Variants in RPAIN observed in about 807,000 individuals in gnomAD.
RPAIN encodes RPA-interacting protein.
RPAIN carries 29 observed loss-of-function variants against 30.5 expected under a neutral mutation model. That is an observed-to-expected ratio of 0.95 (90% CI 0.71 to 1.30). RPAIN has a LOEUF of 1.30. RPAIN is among the 50% of genes most tolerant of loss of function. RPAIN has a pLI of 0.00. For missense variants in RPAIN, 247 were observed against 264.7 expected (o/e 0.93, Z 0.46); for synonymous variants, 101 against 93.5 (o/e 1.08, Z -0.46).
intron 6 of RPAIN, chr17:5,431,028 G>A (rs144559214): frequency 1.6e-5 from 3 of 192,218 alleles, no homozygotes; most frequent in East Asian, 1.7e-4. Context: ...TCACCTAACC[G>A]TCAGTGCCCT....
chr17:5,426,422 T>C, intron 5 of RPAIN, 123 bp downstream of exon 5: 1 of 875,694 alleles, frequency 1.1e-6, no homozygotes, highest in Non-Finnish European at 1.9e-6. Context: ...TGTTCAGTGG[T>C]GTCACATTGG....
At chr17:5,426,489 C>G (rs1026088361) in intron 5 of RPAIN, 190 bp downstream of exon 5, 3 of 607,988 alleles carry the variant, frequency 4.9e-6, no homozygotes, top group Non-Finnish European at 8.9e-6. Flanking sequence ...GCAAACAGTA[C>G]ACATCAGAGC....
intron 6 of RPAIN, chr17:5,429,859 A>AT: frequency 1.2e-6 from 1 of 838,864 alleles, no homozygotes; most frequent in Non-Finnish European, 1.4e-6. Flanking sequence ...ATTCAGCCTG[A>AT]TTCCTCACAA....
At chr17:5,426,126 C>T (rs2151665648) in intron 4 of RPAIN, 44 bp downstream of exon 4, 5 of 1,558,736 alleles carry the variant, frequency 3.2e-6, no homozygotes, top group Non-Finnish European at 3.5e-6. Flanking sequence ...GTTCCCATTC[C>T]CCACTCCAAG....
At position 5,428,074 on chromosome 17, in the gene RPAIN, TC is replaced by T; in HGVS notation, c.494del (p.Ser165LeufsTer3). ...GTTGAACTTTTTTATTTTGTAGTCT[TC>T]TGAGTTGACAGAGCAGAAGCTTCGT... ...QCGLSIPSHSSELTEQKLRAC... is the reference protein window; with the variant it reads ...QCGLSIPSHSXELTEQKLRAC... On this transcript the variant is annotated frameshift_variant, in exon 6 of 7. Coordinates refer to ENST00000381209, the MANE Select transcript of RPAIN (RefSeq NM_001033002.4). LOFTEE classifies it high-confidence loss of function. 6.2e-7 allele frequency: 1 copy of T among 1,614,164 alleles called. No homozygotes were observed. The highest frequency in any genetic ancestry group is 8.5e-7 in the Non-Finnish European group (1 of 1,180,030).
intron 2 of RPAIN, 195 bp downstream of exon 2, chr17:5,421,661 C>G: frequency 4.4e-6 from 2 of 455,660 alleles, no homozygotes; most frequent in Non-Finnish European, 7.7e-6. Flanking sequence ...AAATACCAGA[C>G]CGTAGACCTG....
In RPAIN at chr17:5,422,834, C is replaced by G; in HGVS notation, c.313+5C>G. ...AACAGGAGCTGATCAACCAAGGTAACCCCTAGTGGTAGTCCTTCCTTACCT... is the reference window on the plus strand; with the variant it reads ...AACAGGAGCTGATCAACCAAGGTAAGCCCTAGTGGTAGTCCTTCCTTACCT... On this transcript the variant is annotated splice_donor_5th_base_variant and intron_variant, in intron 3 of 6. Transcript: ENST00000381209. The G allele has an allele frequency of 6.2e-7, 1 of 1,602,586 alleles. No homozygotes were observed. Among genetic ancestry groups the G allele is most frequent in the Non-Finnish European group, 8.5e-7 (1 of 1,170,566 alleles).
chr17:5,422,649 C>T (rs1053726531), intron 2 of RPAIN, 120 bp from the exon 3 acceptor site: 1 of 789,838 alleles, frequency 1.3e-6, no homozygotes, highest in African/African-American at 1.7e-5. Flanking sequence ...TGCAGGAGGA[C>T]TGGACTGATT....
rs181992856 is a variant in RPAIN at position 5,426,579 on chromosome 17, C to T, written c.489+280C>T. ...TGGGATTGGTAACGCCTGTATCTGA[C>T]GTTTCATAAAAATTTTCTATATATG... On this transcript the variant is annotated intron_variant, in intron 5 of 6. Coordinates refer to ENST00000381209, the MANE Select transcript of RPAIN (RefSeq NM_001033002.4). 5.4e-3 allele frequency: 1,837 copies of T among 337,870 alleles called. 13 individuals carry two copies. Among genetic ancestry groups the T allele is most frequent in the Middle Eastern group, 0.013 (14 of 1,120 alleles). The allele number at this position is 337,870 out of a possible 1,614,324, so 20.9% of individuals were successfully genotyped here.
At position 5,425,982 on chromosome 17, in the gene RPAIN, A is replaced by G. The variant is rs199510710; in HGVS notation, c.325A>G (p.Ile109Val). ...QELINQEQSI[I>V]SEYEKSLQFD... is the part of the protein sequence containing the mutation. ...CCTTTGCCTTGCAGAGCAGTCCATC[A>G]TCAGCGAGTATGAGAAGAGCTTGCA... The change falls in exon 4 of 7, where the codon ATC becomes GTC. Residue 109 changes from isoleucine to valine, a missense_variant. Ile to Val is a conservative substitution (Grantham distance 29). Coordinates refer to ENST00000381209, the MANE Select transcript of RPAIN (RefSeq NM_001033002.4). The G allele has an allele frequency of 4.8e-5, 77 of 1,613,186 alleles. No homozygotes were observed. Among genetic ancestry groups the G allele is most frequent in the Non-Finnish European group, 6.8e-6 (8 of 1,179,462 alleles).
In RPAIN at chr17:5,421,388, C is replaced by T. The variant is rs11542301; in HGVS notation, c.174C>T (p.Ser58=). ...GSSGPGNSQN[S]FLVQEVMEEE... ...GTGGGCCAGGGAATTCTCAGAACAG[C>T]TTTCTAGTTCAAGAGGTGATGGAAG... Residue 58 remains serine, a synonymous_variant, in exon 2 of 7, where the codon AGC becomes AGT. Coordinates refer to ENST00000381209, the MANE Select transcript of RPAIN (RefSeq NM_001033002.4). 5.1e-5 allele frequency: 83 copies of T among 1,614,030 alleles called. No homozygotes were observed. In the African/African-American group the frequency reaches 1.0e-3, roughly 20 times the overall value.
chr17:5,421,414 A>G lies in RPAIN; in HGVS notation c.200A>G (p.Glu67Gly). ...NSFLVQEVME[E>G]EWNALQSVEN... is the part of the protein sequence containing the mutation. ...TTTCTAGTTCAAGAGGTGATGGAAG[A>G]AGAGTGGAATGCTTTGCAGTCAGTG... Residue 67 changes from glutamate to glycine, a missense_variant, in exon 2 of 7, where the codon GAA (glutamate) becomes GGA (glycine). Glu to Gly is a moderately conservative substitution (Grantham distance 98, BLOSUM62 -2). Coordinates refer to ENST00000381209, the MANE Select transcript of RPAIN (RefSeq NM_001033002.4). 6.2e-7 allele frequency: 1 copy of G among 1,614,110 alleles called. No homozygotes were observed. The highest frequency in any genetic ancestry group is 1.1e-5 in the South Asian group (1 of 91,074).
chr17:5,425,024 C>A, intron 3 of RPAIN: 1 of 242,468 alleles, frequency 4.1e-6, no homozygotes, highest in Non-Finnish European at 8.1e-6. Context: ...TGTGAAGAGC[C>A]AGATAGCAAA....
chr17:5,431,709 A>G, intron 6 of RPAIN: 10 of 451,930 alleles, frequency 2.2e-5, no homozygotes, highest in South Asian at 1.6e-4. Flanking sequence ...GGTGGGTTAC[A>G]GAAGATTGCA....
In RPAIN at chr17:5,423,403, C is replaced by T. The variant is rs1915066226; in HGVS notation, c.313+574C>T. Among the ~76,000 whole-genome samples the T allele has an allele frequency of 2.0e-5, 3 of 151,984 alleles. No individual in the cohort carries two copies. The South Asian group carries it at 6.2e-4, about 32-fold the overall frequency. ...TGTGGTAGCAAATACTTGTAGCCTC[C>T]CTCAGCCAGAAGGCTTAGGCAGGAG... On this transcript the variant is annotated intron_variant, in intron 3 of 6. Transcript: ENST00000381209.
chr17:5,432,164 A>G, intron 6 of RPAIN: 1 of 247,944 alleles, frequency 4.0e-6, no homozygotes, highest in Middle Eastern at 1.5e-3. Flanking sequence ...ACCTGCTTCA[A>G]TCTTGTGTAG....
At chr17:5,423,145 A>G in intron 3 of RPAIN, 1 of 206,874 alleles carries the variant, frequency 4.8e-6, no homozygotes, top group Non-Finnish European at 9.5e-6. Context: ...TAAGTGGAGG[A>G]GATGGGAAGC....
rs757452040 is a variant in RPAIN at position 5,425,989 on chromosome 17, A to T, written c.332A>T (p.Glu111Val). ...CTTGCAGAGCAGTCCATCATCAGCG[A>T]GTATGAGAAGAGCTTGCAGTTTGAT... is the stretch of plus-strand genomic sequence containing the variant. ...LINQEQSIIS[E>V]YEKSLQFDEK... The change falls in exon 4 of 7, where the codon GAG becomes GTG. Residue 111 changes from glutamate (E) to valine (V), a missense_variant. Transcript: ENST00000381209. 1 of 1,613,678 alleles carries T rather than the reference A, an allele frequency of 6.2e-7. No homozygotes were observed. Among genetic ancestry groups the T allele is most frequent in the East Asian group, 2.2e-5 (1 of 44,892 alleles).
chr17:5,429,548 G>GT (rs1450993440), intron 6 of RPAIN: 3 of 985,230 alleles, frequency 3.0e-6, no homozygotes, highest in Middle Eastern at 5.2e-4. Context: ...TGCCCCTGCT[G>GT]TTTCCTGCTC....
Sources: gnomAD v4.1 joint callset for allele counts (sites outside exome capture counted in the v4.1 genomes callset) on GRCh38, gnomAD v4.1.1 for gene constraint, MANE v1.5 for transcripts, NCBI Gene and HGNC (gene_info 2026-07-23, HGNC 2026-07-21) for gene names.